SNX13: variants seen among roughly 807,000 people sequenced by gnomAD.
The protein encoded by SNX13 is sorting nexin-13.
A neutral mutation model predicts 133.6 loss-of-function variants in SNX13; 45 were observed. That is an observed-to-expected ratio of 0.34 (90% CI 0.27 to 0.43). The LOEUF is 0.43. Ranked by LOEUF, SNX13 falls within the 20% of genes least tolerant of loss-of-function variation. SNX13 has a pLI of 1.00. For missense variants in SNX13, 1,032 were observed against 1,145.1 expected, an observed-to-expected ratio of 0.90 and a Z score of 1.43; for synonymous variants, 414 against 373.9, an observed-to-expected ratio of 1.11 and a Z score of -1.24.
chr7:17,826,152 G>T (rs1190368010), intron 16 of SNX13, 61 bp from the exon 17 acceptor site: 15 of 1,089,764 alleles, frequency 1.4e-5, no homozygotes, highest in Non-Finnish European at 1.9e-5. Context: ...AAAGAGTAAA[G>T]AATTCTACAT....
intron 9 of SNX13, among the ~76,000 whole-genome samples, chr7:17,855,859 G>GT (rs1791815317): frequency 6.6e-6 from 1 of 152,168 alleles, no homozygotes; most frequent in African/African-American, 2.4e-5. Flanking sequence ...TGCATTTTTT[G>GT]TAAGGCTATG....
intron 5 of SNX13, among the ~76,000 whole-genome samples, chr7:17,878,844 G>C (rs1010738649): frequency 2.0e-5 from 3 of 151,872 alleles, no homozygotes; most frequent in African/African-American, 7.3e-5. Flanking sequence ...CTTTCCATTT[G>C]TCAAGTGCAA....
At chr7:17,818,276 A>C (rs930956133) in intron 18 of SNX13, among the ~76,000 whole-genome samples, 2 of 152,214 alleles carry the variant, frequency 1.3e-5, no homozygotes, top group Admixed American at 6.5e-5. Context: ...CCAAACTAAT[A>C]TACCAAGGAA....
At chr7:17,901,626 C>A (rs1344687149) in intron 1 of SNX13, among the ~76,000 whole-genome samples, 1 of 152,180 alleles carries the variant, frequency 6.6e-6, no homozygotes, top group Non-Finnish European at 1.5e-5. Flanking sequence ...TCACTGTGCT[C>A]TCCCTCCCCT....
intron 20 of SNX13, among the ~76,000 whole-genome samples, chr7:17,805,261 G>GCGCGCGCGCA (rs1554304436): frequency 4.0e-5 from 6 of 148,336 alleles, no homozygotes; most frequent in African/African-American, 1.5e-4. Context: ...GCGTGCGCGC[G>GCGCGCGCGCA]CGCGCATGCA....
chr7:17,881,628 A>G (rs1795364062), intron 5 of SNX13: 2 of 152,106 alleles, frequency 1.3e-5, no homozygotes, highest in African/African-American at 2.4e-5. Context: ...GTTGAGAGAA[A>G]GCAACTGAGT....
chr7:17,869,379 G>C (rs1005747420), intron 8 of SNX13, among the ~76,000 whole-genome samples: 1 of 151,992 alleles, frequency 6.6e-6, no homozygotes, highest in Admixed American at 6.5e-5. Context: ...TTTGATAAAT[G>C]AGTAGAAAAA....
At chr7:17,821,832 T>A in intron 17 of SNX13, 184 bp from the exon 18 acceptor site, 1 of 612,370 alleles carries the variant, frequency 1.6e-6, no homozygotes, top group Non-Finnish European at 2.7e-6. Context: ...CCATCCTCCA[T>A]ATTCACATCC....
intron 9 of SNX13, among the ~76,000 whole-genome samples, chr7:17,867,820 TA>T (rs1793586508): frequency 6.6e-6 from 1 of 152,104 alleles, no homozygotes; most frequent in African/African-American, 2.4e-5. Context: ...GTGGCCCATT[TA>T]CAATTCTTCC....
intron 20 of SNX13, among the ~76,000 whole-genome samples, chr7:17,806,863 C>A (rs1034712982): frequency 6.6e-6 from 1 of 152,194 alleles, no homozygotes; most frequent in Non-Finnish European, 1.5e-5. Flanking sequence ...GGTCAGGGAA[C>A]TCCTTCCCTA....
intron 22 of SNX13, among the ~76,000 whole-genome samples, chr7:17,800,598 T>A (rs947020492): frequency 2.0e-5 from 3 of 151,710 alleles, no homozygotes; most frequent in African/African-American, 7.2e-5. Flanking sequence ...TAGGCACAGA[T>A]AACATATATA....
chr7:17,867,534 G>T (rs921517750), intron 9 of SNX13, among the ~76,000 whole-genome samples: 1 of 152,094 alleles, frequency 6.6e-6, no homozygotes, highest in African/African-American at 2.4e-5. Context: ...TTGAGCCAAG[G>T]AGGCGGAGGC....
chr7:17,798,952 G>A, intron 23 of SNX13, 57 bp downstream of exon 23: 3 of 1,549,652 alleles, frequency 1.9e-6, no homozygotes, highest in Non-Finnish European at 2.6e-6. Flanking sequence ...ACTTCCAGAA[G>A]TAAGAGTTTA....
chr7:17,869,074 G>A (rs1793739445), intron 8 of SNX13, among the ~76,000 whole-genome samples: 1 of 151,996 alleles, frequency 6.6e-6, no homozygotes, highest in Non-Finnish European at 1.5e-5. Context: ...ATTCTTTGCA[G>A]TTGTTTATGT....
chr7:17,805,150 G>C (rs533869881), intron 20 of SNX13, among the ~76,000 whole-genome samples: 1 of 151,644 alleles, frequency 6.6e-6, no homozygotes, highest in African/African-American at 2.4e-5. Flanking sequence ...CATGACCACT[G>C]GTGGAGAGAA....
intron 15 of SNX13, chr7:17,830,399 A>T: frequency 1.0e-6 from 1 of 984,386 alleles, no homozygotes. Context: ...AATGAGGCCC[A>T]TTAGGAAACA....
intron 12 of SNX13, among the ~76,000 whole-genome samples, chr7:17,844,067 A>G (rs1166175325): frequency 6.6e-6 from 1 of 151,836 alleles, no homozygotes; most frequent in Non-Finnish European, 1.5e-5. Context: ...AGGAAACAGT[A>G]AAGATTAGAG....
intron 2 of SNX13, 103 bp from the exon 3 acceptor site, chr7:17,893,537 T>C (rs1796865016): frequency 2.8e-6 from 2 of 717,474 alleles, no homozygotes; most frequent in Non-Finnish European, 4.5e-6. Flanking sequence ...TGGCTTATCA[T>C]TTACTAAAAA....
Position 17,893,438 on chromosome 7 carries a change from G to C in SNX13, c.126-4C>G, listed in dbSNP as rs369256724. Reference sequence around the variant, plus strand: ...CAGGAGAGTAACCACTAAACCCCTAGAAAGAAAAATTTAATCACAAATATA... The same window carrying C: ...CAGGAGAGTAACCACTAAACCCCTACAAAGAAAAATTTAATCACAAATATA... On this transcript the variant is annotated splice_polypyrimidine_tract_variant and splice_region_variant and intron_variant, in intron 2 of 25. Transcript: ENST00000428135. 2.0e-6 allele frequency: 3 copies of C among 1,514,366 alleles called. No homozygotes were observed. The African/African-American group carries it at 4.2e-5, about 21-fold the overall frequency. The allele number at this position is 1,514,366 out of a possible 1,614,324, so 93.8% of individuals were successfully genotyped here. A position where few individuals can be genotyped will look rare whatever the true frequency, so the allele number is the denominator to read the frequency against.
Sources: allele counts gnomAD v4.1 joint callset (sites outside exome capture counted in the v4.1 genomes callset), GRCh38; gene constraint gnomAD v4.1.1; transcripts MANE v1.5; gene names NCBI Gene and HGNC (gene_info 2026-07-23, HGNC 2026-07-21).